PEMT: variants seen among roughly 807,000 people sequenced by gnomAD.
PEMT encodes the protein phospholipid methyltransferase.
A neutral mutation model predicts 27.4 loss-of-function variants in PEMT; 23 were observed. The observed-to-expected ratio is 0.84, with a 90% CI of 0.60 to 1.19. The LOEUF is 1.19. Ranked by LOEUF, PEMT falls within the 50% of genes most tolerant of loss-of-function variation. The probability of loss-of-function intolerance (pLI) is 0.00; values close to 1 mark genes in which losing one functional copy is unlikely to be tolerated. For missense variants in PEMT, 307 were observed against 310.1 expected (o/e 0.99, Z 0.07); for synonymous variants, 137 against 139.1 (o/e 0.98, Z 0.11).
chr17:17,517,977 C>T, intron 3 of PEMT: 3 of 985,604 alleles, frequency 3.0e-6, no homozygotes, highest in Non-Finnish European at 3.6e-6. Flanking sequence ...GGAATACCTC[C>T]AGGTTGAGGA....
chr17:17,582,849 G>T lies in PEMT; in HGVS notation c.97-5822C>A, dbSNP rs774577755. On this transcript the variant is annotated intron_variant, in intron 1 of 6. Transcript: ENST00000255389. The surrounding 1 kb of genome is among the most constrained non-coding windows in gnomAD (Gnocchi z 4.9). ...GAGGCCTAGGCAGGCGGATCACAAGGCCAGGAGTCAGAGATCAGCCTGGCC... is the reference window on the plus strand; with the variant it reads ...GAGGCCTAGGCAGGCGGATCACAAGTCCAGGAGTCAGAGATCAGCCTGGCC... 4.6e-5 allele frequency among the ~76,000 whole-genome samples: 7 copies of T among 152,090 alleles called. No homozygotes were observed. The highest frequency in any genetic ancestry group is 1.0e-4 in the Non-Finnish European group (7 of 68,024).
chr17:17,570,867 G>A (rs1301050644), intron 2 of PEMT: 3 of 985,300 alleles, frequency 3.0e-6, no homozygotes, highest in African/African-American at 1.7e-5. Flanking sequence ...AGATCCGGGG[G>A]CAGGTGAGAA....
chr17:17,576,864 G>A, intron 2 of PEMT, 56 bp downstream of exon 2: 3 of 1,392,484 alleles, frequency 2.2e-6, no homozygotes, highest in South Asian at 2.3e-5. Context: ...CCTGCATGTG[G>A]GGCTCACCAA....
At chr17:17,550,220 G>A (rs1280741278) in intron 2 of PEMT, among the ~76,000 whole-genome samples, 1 of 152,152 alleles carries the variant, frequency 6.6e-6, no homozygotes, top group African/African-American at 2.4e-5. Flanking sequence ...GACGTTCGTG[G>A]TTCTCTGTCA....
chr17:17,527,619 T>C (rs1239552320), intron 2 of PEMT, among the ~76,000 whole-genome samples: 5 of 152,202 alleles, frequency 3.3e-5, no homozygotes, highest in African/African-American at 7.2e-5. Context: ...GCCCATGAAA[T>C]GCCTGGAACG....
intron 1 of PEMT, chr17:17,577,611 T>C (rs1002554897): frequency 2.9e-6 from 2 of 678,580 alleles, no homozygotes; most frequent in African/African-American, 4.0e-5. Context: ...TCATCTTGCA[T>C]GAAAACGTCA....
At chr17:17,527,591 C>T (rs756400737) in intron 2 of PEMT, among the ~76,000 whole-genome samples, 2 of 152,212 alleles carry the variant, frequency 1.3e-5, no homozygotes, top group Admixed American at 6.5e-5. Flanking sequence ...AGCTGCTGTG[C>T]GGATTAAGCG....
At chr17:17,566,234 G>C (rs1221617053) in intron 2 of PEMT, among the ~76,000 whole-genome samples, 1 of 152,240 alleles carries the variant, frequency 6.6e-6, no homozygotes, top group Non-Finnish European at 1.5e-5. Flanking sequence ...GCCTGGCAGG[G>C]AGTTTTACAG....
chr17:17,551,158 G>A (rs141321954), intron 2 of PEMT, among the ~76,000 whole-genome samples: 8 of 152,184 alleles, frequency 5.3e-5, no homozygotes, highest in African/African-American at 1.7e-4. Context: ...CGTAATCCTC[G>A]ACTGTTGATG....
intron 2 of PEMT, among the ~76,000 whole-genome samples, chr17:17,522,889 C>T (rs559152042): frequency 7.9e-5 from 12 of 152,276 alleles, no homozygotes; most frequent in East Asian, 3.9e-4. Flanking sequence ...CCATCACAGG[C>T]GCAAAGCAAA....
intron 2 of PEMT, among the ~76,000 whole-genome samples, chr17:17,529,290 G>T (rs1346123157): frequency 6.6e-6 from 1 of 152,186 alleles, no homozygotes; most frequent in East Asian, 1.9e-4. Flanking sequence ...GCTCCTTTCA[G>T]ATCTGCCCCA....
intron 2 of PEMT, among the ~76,000 whole-genome samples, chr17:17,564,119 CA>C (rs1910667983): frequency 1.3e-5 from 2 of 152,256 alleles, no homozygotes; most frequent in East Asian, 1.9e-4. Flanking sequence ...ATGGGTGGGT[CA>C]GGGGGAAGGA....
chr17:17,520,503 ACAGT>A (rs1160179117), intron 3 of PEMT, among the ~76,000 whole-genome samples: 1 of 151,004 alleles, frequency 6.6e-6, no homozygotes, highest in African/African-American at 2.5e-5. Flanking sequence ...CTCCATCTGC[ACAGT>A]CAGAGTCTTC....
At chr17:17,517,289 T>C (rs1906912662) in intron 3 of PEMT, among the ~76,000 whole-genome samples, 2 of 152,226 alleles carry the variant, frequency 1.3e-5, no homozygotes, top group Admixed American at 1.3e-4. Flanking sequence ...TGGGAATTTG[T>C]TACACAGCAG....
At chr17:17,558,522 A>G (rs556703506) in intron 2 of PEMT, among the ~76,000 whole-genome samples, 7 of 150,856 alleles carry the variant, frequency 4.6e-5, no homozygotes, top group African/African-American at 1.7e-4. Flanking sequence ...AAAAAAAAAC[A>G]AAAAACAAAA....
Position 17,574,929 on chromosome 17 carries a change from C to T in PEMT, c.204+1991G>A, listed in dbSNP as rs986765194. 3.3e-5 allele frequency among the ~76,000 whole-genome samples: 5 copies of T among 152,204 alleles called. No homozygotes were observed. The South Asian group carries it at 6.2e-4, about 19-fold the overall frequency. On this transcript the variant is annotated intron_variant, in intron 2 of 6. Transcript: ENST00000255389. ...GAGAAGGACTGTGGACAGCCAAGAG[C>T]GTGGCACACCCAACACTCCAAAGGT...
In PEMT at chr17:17,520,673, C is replaced by T. The variant is rs377396319; in HGVS notation, c.320+1607G>A. Among the ~76,000 whole-genome samples, 13 of 152,366 alleles carry T rather than the reference C, an allele frequency of 8.5e-5. No homozygotes were observed. In the East Asian group the frequency reaches 2.3e-3, roughly 27 times the overall value. ...GGTGAAAAGCCCTCTCTGGGGAAGC[C>T]TCTTCACATCATTCAACCCAGGGCA... On this transcript the variant is annotated intron_variant, in intron 3 of 6. Coordinates refer to ENST00000255389, the MANE Select transcript of PEMT (RefSeq NM_148172.3).
intron 1 of PEMT, 190 bp downstream of exon 1, chr17:17,591,341 G>A: frequency 7.1e-6 from 4 of 560,090 alleles, no homozygotes; most frequent in South Asian, 6.7e-5. Context: ...ACACGCGCGC[G>A]CACACGCACA....
At chr17:17,532,264 T>G (rs1908154724) in intron 2 of PEMT, among the ~76,000 whole-genome samples, 1 of 152,102 alleles carries the variant, frequency 6.6e-6, no homozygotes, top group East Asian at 1.9e-4. Context: ...ACTAACTCTA[T>G]CCACAGATGA....
Sources: allele counts gnomAD v4.1 joint callset (sites outside exome capture counted in the v4.1 genomes callset), GRCh38; gene constraint gnomAD v4.1.1; non-coding constraint Gnocchi (gnomAD v3.1); transcripts MANE v1.5; gene names NCBI Gene and HGNC (gene_info 2026-07-23, HGNC 2026-07-21).